ZNF57: variants seen among roughly 807,000 people sequenced by gnomAD.
ZNF57 encodes the protein zinc finger protein 57.
Under a neutral mutation model 13.4 loss-of-function variants are expected in ZNF57, and 11 were observed. The observed-to-expected ratio is 0.82, with a 90% CI of 0.52 to 1.36. The LOEUF is 1.36. ZNF57 is among the 40% of genes most tolerant of loss of function. The probability of loss-of-function intolerance (pLI) is 0.00; values close to 1 mark genes in which losing one functional copy is unlikely to be tolerated. For missense variants in ZNF57, 696 were observed against 667.5 expected (o/e 1.04, Z -0.47); for synonymous variants, 224 against 238.5 (o/e 0.94, Z 0.56).
chr19:2,907,895 T>C (rs1048240933), intron 1 of ZNF57, among the ~76,000 whole-genome samples: 2 of 152,130 alleles, frequency 1.3e-5, no homozygotes, highest in Admixed American at 1.3e-4. Context: ...AATAAAAAAA[T>C]TGTAGACTGT....
chr19:2,910,883 C>T (rs1374812574), intron 1 of ZNF57, among the ~76,000 whole-genome samples: 1 of 150,108 alleles, frequency 6.7e-6, no homozygotes, highest in Admixed American at 6.7e-5. Flanking sequence ...CGTGAGCCAC[C>T]GGGCCCGGCC....
At position 2,917,264 on chromosome 19, in the gene ZNF57, G is replaced by T. The variant is rs189035490; in HGVS notation, c.643G>T (p.Val215Leu). 6.2e-7 allele frequency: 1 copy of T among 1,614,006 alleles called. No homozygotes were observed. Among genetic ancestry groups the T allele is most frequent in the African/African-American group, 1.3e-5 (1 of 74,910 alleles). The stretch of plus-strand genomic sequence containing the variant: ...ACATCCTCGTTACCTCTCCCACCAC[G>T]TAAAGACTCACACAGCAGAGAAAAC... ...FQHPRYLSHHVKTHTAEKTYK... is the reference protein window; with the variant it reads ...FQHPRYLSHHLKTHTAEKTYK... The change falls in exon 4 of 4, where the codon GTA becomes TTA. Residue 215 changes from valine to leucine, a missense_variant. Val to Leu is a conservative substitution (Grantham distance 32). Around this residue, in one of 3 missense-constraint regions of ZNF57, gnomAD observed 645 missense variants for 591.5 expected, o/e 1.09. Coordinates refer to ENST00000306908, the MANE Select transcript of ZNF57 (RefSeq NM_173480.3).
chr19:2,918,218 G>GA lies in ZNF57; in HGVS notation c.1599dup (p.Cys534MetfsTer16), dbSNP rs770329564. On this transcript the variant is annotated frameshift_variant, in exon 4 of 4. Coordinates refer to ENST00000306908, the MANE Select transcript of ZNF57 (RefSeq NM_173480.3). LOFTEE classifies it low-confidence loss of function (END_TRUNC). The stretch of plus-strand genomic sequence containing the variant: ...GATGCACACAGGACAGAAATCCCAC[G>GA]AATGTCAGTCATACTCAAAAGCCTT... 1 of 1,614,114 alleles carries GA rather than the reference G, an allele frequency of 6.2e-7. No individual in the cohort carries two copies. The highest frequency in any genetic ancestry group is 8.5e-7 in the Non-Finnish European group (1 of 1,179,982).
At chr19:2,902,531 T>C (rs73525609) in intron 1 of ZNF57, among the ~76,000 whole-genome samples, 4,737 of 152,122 alleles carry the variant, frequency 0.031, 107 homozygotes, top group Middle Eastern at 0.1. Flanking sequence ...CAGCTAGAGA[T>C]GGATTAAAAT....
chr19:2,915,375 T>C, intron 1 of ZNF57, 147 bp from the exon 2 acceptor site: 2 of 1,074,822 alleles, frequency 1.9e-6, no homozygotes, highest in Non-Finnish European at 2.7e-6. Flanking sequence ...TAGGAAGTGA[T>C]TGTGAATAAG....
rs768904055 is a variant in ZNF57, at chr19:2,918,172, C to T, written c.1551C>T (p.Ser517=). Residue 517 remains serine, a synonymous_variant, in exon 4 of 4, where the codon TCC becomes TCT. Coordinates refer to ENST00000306908, the MANE Select transcript of ZNF57 (RefSeq NM_173480.3). ...GTGGGATGTCCTTCAAGTGGCACTCCTCCTTCCGGAACCATCTGAGGATGC... is the reference window on the plus strand; with the variant it reads ...GTGGGATGTCCTTCAAGTGGCACTCTTCCTTCCGGAACCATCTGAGGATGC... ...KQCGMSFKWH[S]SFRNHLRMHT... 1.2e-6 allele frequency: 2 copies of T among 1,614,204 alleles called. No individual in the cohort carries two copies. Among genetic ancestry groups the T allele is most frequent in the South Asian group, 2.2e-5 (2 of 91,080 alleles).
intron 1 of ZNF57, among the ~76,000 whole-genome samples, chr19:2,914,315 C>T (rs2088169087): frequency 6.6e-6 from 1 of 152,088 alleles, no homozygotes; most frequent in South Asian, 2.1e-4. Flanking sequence ...GGCTGGAGAG[C>T]ACAATCTTGG....
intron 1 of ZNF57, among the ~76,000 whole-genome samples, chr19:2,911,860 T>C (rs968718911): frequency 2.0e-5 from 3 of 152,248 alleles, no homozygotes; most frequent in Non-Finnish European, 4.4e-5. Flanking sequence ...TGTTTTTGCA[T>C]GTTGTCTACT....
Position 2,917,397 on chromosome 19 carries a change from G to C in ZNF57, c.776G>C (p.Arg259Thr). 6.2e-7 allele frequency: 1 copy of C among 1,614,194 alleles called. No homozygotes were observed. Among genetic ancestry groups the C allele is most frequent in the South Asian group, 1.1e-5 (1 of 91,084 alleles). Residue 259 changes from arginine to threonine, a missense_variant, in exon 4 of 4, where the codon AGA becomes ACA. Arg to Thr is a moderately conservative substitution (Grantham distance 71). Transcript: ENST00000306908. Reference protein sequence around the residue: ...DRPYKCQECGRAFIYPSTFQR... With the variant: ...DRPYKCQECGTAFIYPSTFQR... ...CCATATAAATGTCAGGAATGTGGGAGAGCCTTCATTTATCCCTCGACATTT... is the reference window on the plus strand; with the variant it reads ...CCATATAAATGTCAGGAATGTGGGACAGCCTTCATTTATCCCTCGACATTT...
chr19:2,914,258 TA>T (rs780697168), intron 1 of ZNF57, among the ~76,000 whole-genome samples: 4 of 152,336 alleles, frequency 2.6e-5, no homozygotes, highest in South Asian at 2.1e-4. Context: ...TATTTTTATT[TA>T]TTTTTTTGAG....
chr19:2,909,208 G>A (rs2088107149), intron 1 of ZNF57, among the ~76,000 whole-genome samples: 1 of 151,398 alleles, frequency 6.6e-6, no homozygotes, highest in Non-Finnish European at 1.5e-5. Flanking sequence ...TATATATTTA[G>A]GAGTGGAATT....
At chr19:2,912,917 T>C (rs960254458) in intron 1 of ZNF57, among the ~76,000 whole-genome samples, 9 of 152,186 alleles carry the variant, frequency 5.9e-5, no homozygotes, top group Non-Finnish European at 1.2e-4. Flanking sequence ...ACTGACAATG[T>C]TTATTTTTCT....
At chr19:2,911,597 A>G (rs1233540872) in intron 1 of ZNF57, among the ~76,000 whole-genome samples, 1 of 151,886 alleles carries the variant, frequency 6.6e-6, no homozygotes, top group Non-Finnish European at 1.5e-5. Context: ...TGTTGCCCAG[A>G]CTGGTCTTGA....
At chr19:2,906,511 T>C (rs1021981726) in intron 1 of ZNF57, among the ~76,000 whole-genome samples, 2 of 152,170 alleles carry the variant, frequency 1.3e-5, no homozygotes, top group Non-Finnish European at 2.9e-5. Context: ...CTGTTGTCAT[T>C]GTGGAGTTGA....
chr19:2,906,943 A>G (rs915319190), intron 1 of ZNF57, among the ~76,000 whole-genome samples: 13 of 152,136 alleles, frequency 8.5e-5, no homozygotes, highest in African/African-American at 3.1e-4. Context: ...GTCTTGCACC[A>G]GATCCCCATG....
intron 1 of ZNF57, among the ~76,000 whole-genome samples, chr19:2,903,928 G>T (rs1465272596): frequency 6.6e-6 from 1 of 151,876 alleles, no homozygotes; most frequent in African/African-American, 2.4e-5. Flanking sequence ...TGTTAGCCAG[G>T]ATGGTCTTGA....
rs369197736 is a variant in ZNF57 at position 2,917,562 on chromosome 19, G to A, written c.941G>A (p.Gly314Glu). 4.7e-5 allele frequency: 76 copies of A among 1,613,938 alleles called. No individual in the cohort carries two copies. The highest frequency in any genetic ancestry group is 6.2e-5 in the Non-Finnish European group (73 of 1,179,996). Residue 314 changes from glycine to glutamate, a missense_variant, in exon 4 of 4, where the codon GGG becomes GAG. Transcript: ENST00000306908. ...GEKPYECKQC[G>E]KTFSWSETLR... ...AAGCCCTATGAATGCAAGCAGTGTG[G>A]GAAAACATTCAGTTGGTCTGAAACC...
intron 1 of ZNF57, among the ~76,000 whole-genome samples, chr19:2,907,783 A>G (rs980732622): frequency 6.6e-6 from 1 of 152,218 alleles, no homozygotes; most frequent in African/African-American, 2.4e-5. Context: ...GTGTGATCAC[A>G]GCTCACTGAA....
chr19:2,903,737 C>T (rs1191176048), intron 1 of ZNF57, among the ~76,000 whole-genome samples: 8 of 144,838 alleles, frequency 5.5e-5, no homozygotes, highest in South Asian at 4.3e-4. Flanking sequence ...TTTTTTCAGG[C>T]AGGGTCTTAC....
Sources: allele counts gnomAD v4.1 joint callset (sites outside exome capture counted in the v4.1 genomes callset), GRCh38; gene constraint gnomAD v4.1.1; regional missense constraint gnomAD v4.1.1; transcripts MANE v1.5; gene names NCBI Gene and HGNC (gene_info 2026-07-23, HGNC 2026-07-21).